SLC25A12: variants seen among roughly 807,000 people sequenced by gnomAD.
The protein encoded by SLC25A12 is solute carrier family 25 member 12, also known as electrogenic aspartate/glutamate antiporter SLC25A12, mitochondrial.
In SLC25A12, 32 loss-of-function variants were observed where a neutral mutation model predicts 83.3. That is an observed-to-expected ratio of 0.38 (90% CI 0.29 to 0.52). SLC25A12 has a LOEUF of 0.52. SLC25A12 is among the 20% of genes least tolerant of loss of function. SLC25A12 has a pLI of 0.84. For synonymous variants in SLC25A12, 267 were observed against 291.1 expected (o/e 0.92, Z 0.84); for missense variants, 611 against 835.6 (o/e 0.73, Z 3.31).
intron 15 of SLC25A12, among the ~76,000 whole-genome samples, chr2:171,789,360 C>T (rs1020792154): frequency 6.6e-6 from 1 of 152,168 alleles, no homozygotes; most frequent in Non-Finnish European, 1.5e-5. Flanking sequence ...TCCCCAGTAG[C>T]TGGGACTACA....
rs148260036 is a variant in SLC25A12, at chr2:171,783,446, T to C, written c.*1828A>G. 2.2e-3 allele frequency among the ~76,000 whole-genome samples: 342 copies of C among 152,188 alleles called. No homozygotes were observed. Among genetic ancestry groups the C allele is most frequent in the African/African-American group, 7.7e-3 (319 of 41,530 alleles). On this transcript the variant is annotated 3_prime_UTR_variant, in exon 18 of 18. Transcript: ENST00000422440. ...CTTTATAAACTGACATGGAAAGATATCCAAAACACATTAAGTGAACAAAAG... is the reference window on the plus strand; with the variant it reads ...CTTTATAAACTGACATGGAAAGATACCCAAAACACATTAAGTGAACAAAAG...
intron 4 of SLC25A12, chr2:171,852,567 C>A: frequency 2.7e-6 from 1 of 372,520 alleles, no homozygotes; most frequent in Non-Finnish European, 5.3e-6. Flanking sequence ...GGATTTAACT[C>A]TATTTAGAAT....
At chr2:171,842,501 G>T (rs912788844) in intron 5 of SLC25A12, among the ~76,000 whole-genome samples, 2 of 152,146 alleles carry the variant, frequency 1.3e-5, no homozygotes, top group Non-Finnish European at 2.9e-5. Context: ...GGCTGAGGCA[G>T]GAGAATCGCT....
intron 8 of SLC25A12, among the ~76,000 whole-genome samples, chr2:171,833,244 G>GC (rs897087675): frequency 6.6e-6 from 1 of 152,080 alleles, no homozygotes; most frequent in African/African-American, 2.4e-5. Flanking sequence ...TAGGGACTGT[G>GC]CCCCAATCAG....
intron 3 of SLC25A12, among the ~76,000 whole-genome samples, chr2:171,863,259 C>T (rs1422754511): frequency 6.6e-6 from 1 of 152,174 alleles, no homozygotes; most frequent in Non-Finnish European, 1.5e-5. Context: ...GGTGCGGTGG[C>T]TTATGCCTGC....
chr2:171,829,851 G>A (rs1361046885), intron 8 of SLC25A12, among the ~76,000 whole-genome samples: 3 of 152,090 alleles, frequency 2.0e-5, no homozygotes, highest in African/African-American at 7.2e-5. Context: ...AAACCCTCAG[G>A]GTAATTGCCC....
chr2:171,815,329 T>C (rs111757389), intron 9 of SLC25A12, 127 bp from the exon 10 acceptor site: 57 of 683,386 alleles, frequency 8.3e-5, no homozygotes, highest in African/African-American at 5.2e-4. Flanking sequence ...TGCAGTAATA[T>C]CTTTTCTAAA....
In SLC25A12 at chr2:171,843,403, G is replaced by A. The variant is rs370016866; in HGVS notation, c.465+966C>T. On this transcript the variant is annotated intron_variant, in intron 5 of 17. Transcript: ENST00000422440. ...AATCCCAGCACTTTGGGTGGTCAAG[G>A]CAGGCAGATCACTTGAGGCCAGGAG... 1.6e-4 allele frequency among the ~76,000 whole-genome samples: 22 copies of A among 137,438 alleles called. No individual in the cohort carries two copies. In the East Asian group the frequency reaches 4.2e-3, roughly 26 times the overall value. 90.2% of individuals were successfully genotyped at this position (137,438 alleles called of 152,430 possible). A position where few individuals can be genotyped will look rare whatever the true frequency, so the allele number is the denominator to read the frequency against.
At chr2:171,882,710 G>A (rs569093957) in intron 2 of SLC25A12, among the ~76,000 whole-genome samples, 2 of 152,260 alleles carry the variant, frequency 1.3e-5, no homozygotes, top group East Asian at 1.9e-4. Flanking sequence ...GAAACCCAAC[G>A]CTGGCCATAG....
chr2:171,805,622 T>C (rs1683809014), intron 13 of SLC25A12, among the ~76,000 whole-genome samples: 1 of 152,226 alleles, frequency 6.6e-6, no homozygotes, highest in East Asian at 1.9e-4. Flanking sequence ...GGAACAATAA[T>C]GAGATAATCC....
intron 3 of SLC25A12, among the ~76,000 whole-genome samples, chr2:171,864,153 A>T (rs778735612): frequency 7.2e-5 from 11 of 152,202 alleles, no homozygotes; most frequent in Non-Finnish European, 1.0e-4. Context: ...ATCTGTTTAC[A>T]TCTGTGGTAA....
At chr2:171,806,510 CA>C (rs1294592706) in intron 13 of SLC25A12, among the ~76,000 whole-genome samples, 1 of 152,082 alleles carries the variant, frequency 6.6e-6, no homozygotes, top group Non-Finnish European at 1.5e-5. Context: ...CATACAACAA[CA>C]ACAAAATATA....
At chr2:171,853,845 G>C (rs1684989590) in intron 4 of SLC25A12, among the ~76,000 whole-genome samples, 1 of 152,176 alleles carries the variant, frequency 6.6e-6, no homozygotes, top group South Asian at 2.1e-4. Context: ...TGGATGAAGT[G>C]GCTTGAGTTA....
intron 7 of SLC25A12, 101 bp from the exon 8 acceptor site, chr2:171,834,157 T>G: frequency 1.4e-6 from 1 of 703,016 alleles, no homozygotes; most frequent in Non-Finnish European, 2.6e-6. Context: ...CTATAGGCAT[T>G]TTAGTATCAT....
At chr2:171,826,102 T>G (rs17581361) in intron 9 of SLC25A12, among the ~76,000 whole-genome samples, 32,485 of 152,138 alleles carry the variant, frequency 0.21, 4,173 homozygotes, top group East Asian at 0.57. Flanking sequence ...TTATTTAATT[T>G]GAGGGAAGTT....
chr2:171,832,991 C>G (rs961231066), intron 8 of SLC25A12, among the ~76,000 whole-genome samples: 3 of 152,206 alleles, frequency 2.0e-5, no homozygotes, highest in Non-Finnish European at 2.9e-5. Flanking sequence ...GGGCACCAAG[C>G]TGGGCTTCAT....
chr2:171,867,407 G>C (rs1030658995), intron 3 of SLC25A12, among the ~76,000 whole-genome samples: 2 of 152,180 alleles, frequency 1.3e-5, no homozygotes, highest in Non-Finnish European at 2.9e-5. Flanking sequence ...AAGGCTGGCG[G>C]ATCACTCGCG....
intron 10 of SLC25A12, among the ~76,000 whole-genome samples, chr2:171,814,910 G>A (rs1684018551): frequency 6.6e-6 from 1 of 152,118 alleles, no homozygotes; most frequent in African/African-American, 2.4e-5. Flanking sequence ...CATTACAGAG[G>A]TTCTGTCCTG....
chr2:171,862,648 C>T (rs1157635356), intron 3 of SLC25A12, among the ~76,000 whole-genome samples: 1 of 152,192 alleles, frequency 6.6e-6, no homozygotes, highest in Non-Finnish European at 1.5e-5. Context: ...TTTTCTCACA[C>T]ACTTAACCAA....
Sources: allele counts gnomAD v4.1 joint callset (sites outside exome capture counted in the v4.1 genomes callset), GRCh38; gene constraint gnomAD v4.1.1; transcripts MANE v1.5; gene names NCBI Gene and HGNC (gene_info 2026-07-23, HGNC 2026-07-21).